The following GPHN variants were observed in gnomAD, a reference collection of about 807,000 sequenced individuals.
The protein encoded by GPHN is gephyrin.
GPHN carries 17 observed loss-of-function variants against 95.5 expected under a neutral mutation model. The observed-to-expected ratio is 0.18, with a 90% CI of 0.12 to 0.27. The LOEUF (loss-of-function observed/expected upper bound fraction) is 0.27. Ranked by LOEUF, GPHN falls within the 10% of genes least tolerant of loss-of-function variation. The pLI is 1.00. For synonymous variants in GPHN, 320 were observed against 322.5 expected, an observed-to-expected ratio of 0.99 and a Z score of 0.08; for missense variants, 660 against 978.1, an observed-to-expected ratio of 0.67 and a Z score of 4.34.
the GPHN span, among the ~76,000 whole-genome samples, chr14:67,670,785 CAA>C: frequency 6.6e-6 from 1 of 152,108 alleles, no homozygotes; most frequent in African/African-American, 2.4e-5. Flanking sequence ...CTAGGCCTCC[CAA>C]AGTGATGGGA....
At chr14:66,723,311 TTA>T (rs2070929785) in intron 2 of GPHN, among the ~76,000 whole-genome samples, 1 of 151,458 alleles carries the variant, frequency 6.6e-6, no homozygotes, top group Admixed American at 6.6e-5. Context: ...CTTTTATAAA[TTA>T]TATTTATAAA....
At chr14:66,791,397 G>GATAA (rs977747984) in intron 3 of GPHN, among the ~76,000 whole-genome samples, 1 of 152,196 alleles carries the variant, frequency 6.6e-6, no homozygotes, top group Non-Finnish European at 1.5e-5. Context: ...AAGTTTATTA[G>GATAA]ATAAATAAAT....
intron 2 of GPHN, among the ~76,000 whole-genome samples, chr14:66,701,921 A>G (rs1358245154): frequency 6.6e-6 from 1 of 152,114 alleles, no homozygotes; most frequent in African/African-American, 2.4e-5. Context: ...GGTGGCATCC[A>G]TCTCTATAGC....
At chr14:66,582,448 T>A (rs1001822408) in intron 1 of GPHN, among the ~76,000 whole-genome samples, 2 of 152,086 alleles carry the variant, frequency 1.3e-5, no homozygotes, top group Non-Finnish European at 2.9e-5. Context: ...GTTTGTGACA[T>A]ATGTATACAT....
rs561882823 is a variant in GPHN, at chr14:67,039,833, C to A, written c.1006+16158C>A. 2.6e-5 allele frequency among the ~76,000 whole-genome samples: 4 copies of A among 152,200 alleles called. 1 individual carries two copies. The South Asian group carries it at 8.3e-4, about 32-fold the overall frequency. On this transcript the variant is annotated intron_variant, in intron 10 of 22. Transcript: ENST00000478722. ...CTCACTCACTGTGTTTAACAAAGTG[C>A]CCTATATTGACCAGAATAAAGTTTG...
chr14:66,527,552 T>C (rs997635695), intron 1 of GPHN, among the ~76,000 whole-genome samples: 2 of 152,170 alleles, frequency 1.3e-5, no homozygotes, highest in African/African-American at 4.8e-5. Flanking sequence ...CTTTTAATTG[T>C]GATGTTAGGG....
chr14:66,795,481 C>T (rs1441805936), intron 3 of GPHN, among the ~76,000 whole-genome samples: 4 of 152,010 alleles, frequency 2.6e-5, no homozygotes, highest in Non-Finnish European at 4.4e-5. Context: ...TTTTCTCTTA[C>T]TTCCTTACCT....
intron 10 of GPHN, among the ~76,000 whole-genome samples, chr14:67,044,610 A>G (rs1432534552): frequency 6.6e-6 from 1 of 152,000 alleles, no homozygotes; most frequent in African/African-American, 2.4e-5. Flanking sequence ...ATAACATCTT[A>G]TTTTCCAGAA....
At chr14:66,622,207 G>A (rs890366690) in intron 1 of GPHN, among the ~76,000 whole-genome samples, 1 of 152,134 alleles carries the variant, frequency 6.6e-6, no homozygotes, top group African/African-American at 2.4e-5. Flanking sequence ...AAGGCCTGGG[G>A]CTTGAACCCT....
chr14:66,975,301 G>A (rs1464260084), intron 9 of GPHN, among the ~76,000 whole-genome samples: 1 of 152,268 alleles, frequency 6.6e-6, no homozygotes, highest in African/African-American at 2.4e-5. Context: ...ATCAAACTCA[G>A]TAACTTCTGT....
intron 1 of GPHN, among the ~76,000 whole-genome samples, chr14:66,511,813 TAATG>T (rs1279015473): frequency 1.3e-5 from 2 of 152,022 alleles, no homozygotes; most frequent in African/African-American, 4.8e-5. Flanking sequence ...TTATGATAAT[TAATG>T]TAACATGGAT....
intron 2 of GPHN, among the ~76,000 whole-genome samples, chr14:66,720,644 G>C (rs2070654798): frequency 6.6e-6 from 1 of 152,132 alleles, no homozygotes; most frequent in African/African-American, 2.4e-5. Context: ...CTCACTAATG[G>C]TTTCCAGATT....
chr14:67,086,572 A>AC (rs1295929765), intron 11 of GPHN, among the ~76,000 whole-genome samples: 4 of 145,308 alleles, frequency 2.8e-5, no homozygotes, highest in African/African-American at 7.7e-5. Flanking sequence ...AATGGCGTGA[A>AC]CCCCAGGGGG....
At chr14:67,317,533 T>C in the GPHN span, 12 of 1,259,622 alleles carry the variant, frequency 9.5e-6, no homozygotes, top group African/African-American at 1.4e-4. Context: ...AGTCTAAACC[T>C]AGTCCTGTTT....
At chr14:66,849,047 C>T (rs2062462374) in intron 4 of GPHN, among the ~76,000 whole-genome samples, 1 of 151,724 alleles carries the variant, frequency 6.6e-6, no homozygotes, top group Non-Finnish European at 1.5e-5. Flanking sequence ...CACAAGCCTA[C>T]AAAATAGGTA....
chr14:66,891,958 CA>C (rs1043132172), intron 5 of GPHN, among the ~76,000 whole-genome samples: 14 of 151,762 alleles, frequency 9.2e-5, no homozygotes, highest in African/African-American at 3.1e-4. Flanking sequence ...TGGCTGTTAT[CA>C]AAAAAATAAT....
chr14:67,173,947 C>G (rs988666369), intron 21 of GPHN, among the ~76,000 whole-genome samples: 1 of 151,944 alleles, frequency 6.6e-6, no homozygotes, highest in African/African-American at 2.4e-5. Context: ...CAGACTTTGT[C>G]AGGCCGAAGA....
intron 1 of GPHN, among the ~76,000 whole-genome samples, chr14:66,643,945 C>A (rs954856900): frequency 4.6e-5 from 7 of 151,762 alleles, no homozygotes; most frequent in African/African-American, 1.7e-4. Flanking sequence ...CTGTACCAAC[C>A]AGGTAGATAG....
intron 4 of GPHN, among the ~76,000 whole-genome samples, chr14:66,851,023 T>C (rs2062559344): frequency 6.6e-6 from 1 of 152,084 alleles, no homozygotes; most frequent in Non-Finnish European, 1.5e-5. Flanking sequence ...GTGATAAATA[T>C]ATGACATATT....
Sources: allele counts gnomAD v4.1 joint callset (sites outside exome capture counted in the v4.1 genomes callset), GRCh38; gene constraint gnomAD v4.1.1; transcripts MANE v1.5; gene names NCBI Gene and HGNC (gene_info 2026-07-23, HGNC 2026-07-21).